PLA2G4B: variants seen among roughly 807,000 people sequenced by gnomAD.
PLA2G4B encodes the protein phospholipase A2 group IVB.
Under a neutral mutation model 95.8 loss-of-function variants are expected in PLA2G4B, and 122 were observed. The observed-to-expected ratio is 1.27, with a 90% CI of 1.10 to 1.48. The LOEUF (loss-of-function observed/expected upper bound fraction) is 1.48, where lower values mean the gene tolerates loss of function less well. PLA2G4B is among the 40% of genes most tolerant of loss of function. The pLI, the probability that PLA2G4B is intolerant of heterozygous loss-of-function variation, is 0.00. For missense variants in PLA2G4B, 1,158 were observed against 996.2 expected (o/e 1.16, Z -2.19); for synonymous variants, 518 against 421.5 (o/e 1.23, Z -2.80).
At chr15:41,845,424 C>A in intron 14 of PLA2G4B, 104 bp downstream of exon 14, 1 of 1,486,312 alleles carries the variant, frequency 6.7e-7, no homozygotes, top group Non-Finnish European at 9.1e-7. Context: ...CTCTCCTGAG[C>A]CAGGTCCCGT....
chr15:41,841,994 C>T, intron 8 of PLA2G4B, 45 bp downstream of exon 8: 1 of 1,589,208 alleles, frequency 6.3e-7, no homozygotes, highest in Non-Finnish European at 8.6e-7. Context: ...AGAACTTCCT[C>T]CCTCCCTCTG....
At position 41,840,916 on chromosome 15, in the gene PLA2G4B, GT is replaced by G; in HGVS notation, c.351+14del. 8 of 1,611,108 alleles carry G rather than the reference GT, an allele frequency of 5.0e-6. No individual in the cohort carries two copies. Among genetic ancestry groups the G allele is most frequent in the Non-Finnish European group, 6.8e-6 (8 of 1,177,766 alleles). On this transcript the variant is annotated intron_variant, in intron 4 of 19. Transcript: ENST00000458483. ...TCACTGAGCCCTCAGGCAAGGCGGT[GT>G]TTCCACGGCAGCCCTAGCTGGTGTC...
At position 41,840,527 on chromosome 15, in the gene PLA2G4B, C is replaced by G; in HGVS notation, c.86C>G (p.Thr29Ser). ...AHRLPSKDLV[T>S]PSDCYVTLWL... Reference sequence around the variant, plus strand: ...GGGCACTTGTTCCTTCCCGCAGTGACCCCCTCTGACTGCTACGTGACTCTC... The same window carrying G: ...GGGCACTTGTTCCTTCCCGCAGTGAGCCCCTCTGACTGCTACGTGACTCTC... Residue 29 changes from threonine (T) to serine (S), a missense_variant, in exon 3 of 20, where the codon ACC (threonine) becomes AGC (serine). Physicochemically the swap from Thr to Ser is moderately conservative, Grantham distance 58 (BLOSUM62 1). Coordinates refer to ENST00000458483, the MANE Select transcript of PLA2G4B (RefSeq NM_001114633.2). 5.0e-6 allele frequency: 8 copies of G among 1,613,744 alleles called. No homozygotes were observed. Among genetic ancestry groups the G allele is most frequent in the Non-Finnish European group, 6.8e-6 (8 of 1,180,026 alleles).
At chr15:41,842,146 A>T (rs1288182668) in intron 8 of PLA2G4B, 47 bp from the exon 9 acceptor site, 1 of 1,609,660 alleles carries the variant, frequency 6.2e-7, no homozygotes, top group Middle Eastern at 1.7e-4. Context: ...CTTTGCTAGG[A>T]GTGGAAGCGT....
rs1461685914 is a variant in PLA2G4B at position 41,844,911 on chromosome 15, G to A, written c.1080G>A (p.Glu360=). The A allele has an allele frequency of 6.2e-7, 1 of 1,612,308 alleles. No individual in the cohort carries two copies. The highest frequency in any genetic ancestry group is 8.5e-7 in the Non-Finnish European group (1 of 1,179,434). Residue 360 remains glutamate, a synonymous_variant, in exon 13 of 20, where the codon GAG becomes GAA. Transcript: ENST00000458483. ...AGAAGGACCTGGCAGGGCCCACTGA[G>A]TTGCTGAAGACCCAGGTGACCAAGA... ...WSQKDLAGPT[E]LLKTQVTKNK...
intron 12 of PLA2G4B, 69 bp from the exon 13 acceptor site, chr15:41,844,779 C>G (rs2305654): frequency 1.2e-5 from 19 of 1,536,320 alleles, no homozygotes; most frequent in African/African-American, 5.5e-5. Flanking sequence ...CTAGAAAGCC[C>G]GGGGCACGTG....
rs1252097748 is a variant in PLA2G4B, at chr15:41,842,174, C to T, written c.622-19C>T. ...GGAAGCGTAAAGATTCTTAGGTCTG[C>T]ATTCTTTGTCCCCTGCAGGATGCCC... On this transcript the variant is annotated intron_variant, in intron 8 of 19. Coordinates refer to ENST00000458483, the MANE Select transcript of PLA2G4B (RefSeq NM_001114633.2). 1 of 1,613,130 alleles carries T rather than the reference C, an allele frequency of 6.2e-7. No homozygotes were observed. Among genetic ancestry groups the T allele is most frequent in the Non-Finnish European group, 8.5e-7 (1 of 1,179,714 alleles).
At position 41,843,671 on chromosome 15, in the gene PLA2G4B, G is replaced by C. The variant is rs753378962; in HGVS notation, c.744-5G>C. On this transcript the variant is annotated splice_region_variant and splice_polypyrimidine_tract_variant and intron_variant, in intron 10 of 19. Coordinates refer to ENST00000458483, the MANE Select transcript of PLA2G4B (RefSeq NM_001114633.2). The stretch of plus-strand genomic sequence containing the variant: ...TGTCTCACAGTCTCTTCCTTCCCCG[G>C]CCAGACTGAGGGAGCTGGCCGTGCG... 6.2e-7 allele frequency: 1 copy of C among 1,612,766 alleles called. No homozygotes were observed. Among genetic ancestry groups the C allele is most frequent in the East Asian group, 2.2e-5 (1 of 44,844 alleles).
chr15:41,840,606 C>T lies in PLA2G4B; in HGVS notation c.165C>T (p.Ser55=), dbSNP rs1474774902. 1 of 1,614,022 alleles carries T rather than the reference C, an allele frequency of 6.2e-7. No individual in the cohort carries two copies. Among genetic ancestry groups the T allele is most frequent in the Non-Finnish European group, 8.5e-7 (1 of 1,180,032 alleles). ...HRLQTRTVKN[S]SSPVWNQSFH... is the part of the protein sequence containing the mutation. Reference sequence around the variant, plus strand: ...TCCAGACACGCACGGTCAAGAACAGCAGTAGCCCTGTCTGGAACCAGAGCT... The same window carrying T: ...TCCAGACACGCACGGTCAAGAACAGTAGTAGCCCTGTCTGGAACCAGAGCT... The change falls in exon 3 of 20, where the codon AGC becomes AGT. Residue 55 remains serine (S), a synonymous_variant. Transcript: ENST00000458483.
At position 41,841,246 on chromosome 15, in the gene PLA2G4B, G is replaced by A. The variant is rs2065426399; in HGVS notation, c.408G>A (p.Glu136=). 1 of 1,613,536 alleles carries A rather than the reference G, an allele frequency of 6.2e-7. No homozygotes were observed. The highest frequency in any genetic ancestry group is 1.3e-5 in the African/African-American group (1 of 74,888). Residue 136 remains glutamate (E), a synonymous_variant, in exon 6 of 20, where the codon GAG becomes GAA. Coordinates refer to ENST00000458483, the MANE Select transcript of PLA2G4B (RefSeq NM_001114633.2). ...CTCTTTCCAGGGCTGACCGTGGCGA[G>A]TGGCTCGTCAGCAATGGCGTTCTGG... ...FRLQSLADRG[E]WLVSNGVLVA... is the part of the protein sequence containing the mutation.
intron 16 of PLA2G4B, 28 bp from the exon 17 acceptor site, chr15:41,846,175 C>T: frequency 6.2e-7 from 1 of 1,603,062 alleles, no homozygotes. Flanking sequence ...GTGCAGGAGT[C>T]CCCATTTCCC....
At chr15:41,846,913 T>G in intron 18 of PLA2G4B, 78 bp downstream of exon 18, 1 of 1,476,876 alleles carries the variant, frequency 6.8e-7, no homozygotes, top group Non-Finnish European at 9.1e-7. Context: ...TGGAGTCCAG[T>G]GTCTGGTTCA....
intron 14 of PLA2G4B, 61 bp downstream of exon 14, chr15:41,845,381 G>C: frequency 6.3e-7 from 1 of 1,577,836 alleles, no homozygotes; most frequent in African/African-American, 1.3e-5. Flanking sequence ...GGGAGAACGA[G>C]GACTGTGTGC....
At chr15:41,842,855 A>T in intron 10 of PLA2G4B, 1 of 469,486 alleles carries the variant, frequency 2.1e-6, no homozygotes. Flanking sequence ...TGGAAAACGC[A>T]GGGAGGCAAG....
At chr15:41,841,377 G>C in intron 6 of PLA2G4B, 104 bp downstream of exon 6, 1 of 1,608,962 alleles carries the variant, frequency 6.2e-7, no homozygotes. Flanking sequence ...GGGGACCCTG[G>C]GATTTCAGTT....
rs767280168 is a variant in PLA2G4B, at chr15:41,844,469, A to C, written c.880-2A>C. ...TACAGGCCTGGCTCTCTTCTTTTCC[A>C]GATCCCAGTGGTAGCTATTATGGCC... On this transcript the variant is annotated splice_acceptor_variant, in intron 11 of 19. Transcript: ENST00000458483. LOFTEE classifies it high-confidence loss of function. The C allele has an allele frequency of 6.2e-7, 1 of 1,614,058 alleles. No individual in the cohort carries two copies.
At chr15:41,843,845 G>T in intron 11 of PLA2G4B, 34 bp downstream of exon 11, 1 of 1,608,034 alleles carries the variant, frequency 6.2e-7, no homozygotes, top group African/African-American at 1.3e-5. Flanking sequence ...GTGTCCCCGG[G>T]CTTGCTTGGG....
In PLA2G4B at chr15:41,843,745, G is replaced by C; in HGVS notation, c.813G>C (p.Arg271Ser). Residue 271 changes from arginine to serine, a missense_variant, in exon 11 of 20, where the codon AGG becomes AGC. Physicochemically the swap from Arg to Ser is moderately radical, Grantham distance 110. Coordinates refer to ENST00000458483, the MANE Select transcript of PLA2G4B (RefSeq NM_001114633.2). The part of the protein sequence containing the change: ...CAEEQAFLSR[R>S]KQVVAAALRQ... Reference sequence around the variant, plus strand: ...AGGAGCAGGCCTTCCTGAGCAGGAGGAAGCAGGTGGTGGCCGCGGCCTTGA... The same window carrying C: ...AGGAGCAGGCCTTCCTGAGCAGGAGCAAGCAGGTGGTGGCCGCGGCCTTGA... The C allele has an allele frequency of 6.2e-7, 1 of 1,614,128 alleles. No homozygotes were observed. Among genetic ancestry groups the C allele is most frequent in the East Asian group, 2.2e-5 (1 of 44,882 alleles).
intron 11 of PLA2G4B, 38 bp downstream of exon 11, chr15:41,843,849 G>C (rs1266508608): frequency 6.2e-7 from 1 of 1,607,308 alleles, no homozygotes. Context: ...CCCCGGGCTT[G>C]CTTGGGCCTA....
Sources: gnomAD v4.1 joint callset for allele counts on GRCh38, gnomAD v4.1.1 for gene constraint, MANE v1.5 for transcripts, NCBI Gene and HGNC (gene_info 2026-07-23, HGNC 2026-07-21) for gene names.